Variants in GRM1 observed in about 807,000 individuals in gnomAD.
GRM1 encodes glutamate metabotropic receptor 1.
GRM1 carries 33 observed loss-of-function variants against 90.9 expected under a neutral mutation model. The ratio of observed to expected loss-of-function variants is 0.36; its 90% CI spans 0.28 to 0.49. GRM1 has a LOEUF of 0.49. Ranked by LOEUF, GRM1 falls within the 20% of genes least tolerant of loss-of-function variation. The pLI is 0.99. For synonymous variants in GRM1, 700 were observed against 613.2 expected (o/e 1.14, Z -2.09); for missense variants, 1,190 against 1,534.3 (o/e 0.78, Z 3.75).
chr6:146,290,633 A>G (rs1474204029), intron 2 of GRM1, among the ~76,000 whole-genome samples: 1 of 151,972 alleles, frequency 6.6e-6, no homozygotes, highest in East Asian at 1.9e-4. Context: ...TTTTCTTTCA[A>G]TTTTCTCTCT....
At chr6:146,319,356 T>C (rs111274991) in intron 3 of GRM1, among the ~76,000 whole-genome samples, 4 of 152,172 alleles carry the variant, frequency 2.6e-5, no homozygotes, top group African/African-American at 7.2e-5. Context: ...GTACCTGCTG[T>C]TTTGGGTACT....
intron 2 of GRM1, chr6:146,171,622 A>T (rs1778131009): frequency 3.9e-6 from 1 of 258,742 alleles, no homozygotes; most frequent in South Asian, 6.0e-5. Flanking sequence ...GGGGGGGTGA[A>T]TTTTTTCTCC....
At chr6:146,368,368 T>C (rs1320198178) in intron 5 of GRM1, among the ~76,000 whole-genome samples, 1 of 152,050 alleles carries the variant, frequency 6.6e-6, no homozygotes, top group Non-Finnish European at 1.5e-5. Context: ...TTTATTACTT[T>C]CTCTTGCCTA....
chr6:146,373,310 G>T (rs1162270529), intron 5 of GRM1, among the ~76,000 whole-genome samples: 4 of 152,128 alleles, frequency 2.6e-5, no homozygotes, highest in African/African-American at 4.8e-5. Context: ...TGGTTTTGTG[G>T]GTTGTACAGG....
At chr6:146,114,303 G>T (rs947636263) in intron 1 of GRM1, among the ~76,000 whole-genome samples, 1 of 152,008 alleles carries the variant, frequency 6.6e-6, no homozygotes, top group African/African-American at 2.4e-5. Context: ...GTTTGAAGAT[G>T]GTATTCTTGT....
intron 3 of GRM1, among the ~76,000 whole-genome samples, chr6:146,325,934 T>C (rs750512646): frequency 6.6e-6 from 1 of 152,198 alleles, no homozygotes; most frequent in Admixed American, 6.5e-5. Context: ...TTAAGTCATA[T>C]AGAAAATTAG....
chr6:146,363,727 G>A (rs1300025525), intron 5 of GRM1, among the ~76,000 whole-genome samples: 1 of 152,144 alleles, frequency 6.6e-6, no homozygotes, highest in Non-Finnish European at 1.5e-5. Context: ...ATGTCCTCAA[G>A]GAGAAAAACA....
intron 2 of GRM1, among the ~76,000 whole-genome samples, chr6:146,186,176 C>T (rs2114564147): frequency 6.7e-6 from 1 of 149,820 alleles, no homozygotes; most frequent in African/African-American, 2.5e-5. Context: ...CGGGGTTTCA[C>T]CATGTTGGCC....
chr6:146,306,448 A>T (rs1483742427), intron 3 of GRM1, among the ~76,000 whole-genome samples: 2 of 152,122 alleles, frequency 1.3e-5, no homozygotes, highest in Admixed American at 6.6e-5. Context: ...CATAGTGCCT[A>T]TTTTTAGACT....
chr6:146,322,545 A>C (rs545192070), intron 3 of GRM1, among the ~76,000 whole-genome samples: 1 of 150,068 alleles, frequency 6.7e-6, no homozygotes, highest in Admixed American at 6.6e-5. Flanking sequence ...AGTTTTATCT[A>C]TCAGCACCTG....
At chr6:146,167,946 A>C (rs1372279723) in intron 2 of GRM1, among the ~76,000 whole-genome samples, 1 of 152,022 alleles carries the variant, frequency 6.6e-6, no homozygotes, top group Admixed American at 6.6e-5. Context: ...TCTATCAAAA[A>C]TATTTTACCT....
At chr6:146,073,629 C>T (rs1427451960) in intron 1 of GRM1, among the ~76,000 whole-genome samples, 2 of 152,022 alleles carry the variant, frequency 1.3e-5, no homozygotes, top group Non-Finnish European at 2.9e-5. Flanking sequence ...TCATCAAAAT[C>T]CAAGTGGTAT....
intron 3 of GRM1, among the ~76,000 whole-genome samples, chr6:146,311,637 C>T (rs1336522878): frequency 6.6e-6 from 1 of 152,120 alleles, no homozygotes; most frequent in Non-Finnish European, 1.5e-5. Context: ...ACCTTCAGTT[C>T]CTCAGTTTCA....
chr6:146,357,083 C>T (rs1357645131), intron 4 of GRM1, among the ~76,000 whole-genome samples: 1 of 152,162 alleles, frequency 6.6e-6, no homozygotes, highest in African/African-American at 2.4e-5. Flanking sequence ...ACCTTAAAAA[C>T]GTTCCAGACT....
At chr6:146,430,716 G>T (rs1778376534) in intron 7 of GRM1, among the ~76,000 whole-genome samples, 1 of 152,054 alleles carries the variant, frequency 6.6e-6, no homozygotes, top group South Asian at 2.1e-4. Flanking sequence ...ACAGTAGTGG[G>T]TTCCCTGCCT....
At chr6:146,240,453 A>C (rs1297425931) in intron 2 of GRM1, among the ~76,000 whole-genome samples, 1 of 151,926 alleles carries the variant, frequency 6.6e-6, no homozygotes, top group Non-Finnish European at 1.5e-5. Context: ...CTGTGGCTGC[A>C]AGAAATGGAT....
chr6:146,203,905 T>C lies in GRM1; in HGVS notation c.950+44308T>C, dbSNP rs183708840. Among the ~76,000 whole-genome samples, 364 of 152,364 alleles carry C rather than the reference T, an allele frequency of 2.4e-3. 2 individuals are homozygous for C. Among genetic ancestry groups the C allele is most frequent in the African/African-American group, 8.0e-3 (333 of 41,584 alleles). On this transcript the variant is annotated intron_variant, in intron 2 of 7. Transcript: ENST00000282753. ...TCACCCTTTGCTAATTCCCTTATCCTTTGGGTATGTGGATAGCAAAAATCT... is the reference window on the plus strand; with the variant it reads ...TCACCCTTTGCTAATTCCCTTATCCCTTGGGTATGTGGATAGCAAAAATCT...
chr6:146,367,079 A>G (rs1270332969), intron 5 of GRM1, among the ~76,000 whole-genome samples: 1 of 152,154 alleles, frequency 6.6e-6, no homozygotes, highest in Non-Finnish European at 1.5e-5. Context: ...ACTTTTGTAT[A>G]TAGTGAGAAA....
chr6:146,309,181 T>C (rs1783691075), intron 3 of GRM1, among the ~76,000 whole-genome samples: 1 of 152,024 alleles, frequency 6.6e-6, no homozygotes, highest in Non-Finnish European at 1.5e-5. Flanking sequence ...GGCAGATGGC[T>C]TGAGGTCAGG....
Sources: allele counts gnomAD v4.1 joint callset (sites outside exome capture counted in the v4.1 genomes callset), GRCh38; gene constraint gnomAD v4.1.1; transcripts MANE v1.5; gene names NCBI Gene and HGNC (gene_info 2026-07-23, HGNC 2026-07-21).